Variants in ITGB2 observed in about 807,000 individuals in gnomAD.
ITGB2 encodes the protein integrin subunit beta 2.
ITGB2 carries 56 observed loss-of-function variants against 86.8 expected under a neutral mutation model. That is an observed-to-expected ratio of 0.65 (90% CI 0.52 to 0.81). The LOEUF (loss-of-function observed/expected upper bound fraction) is 0.81, where lower values mean the gene tolerates loss of function less well. Ranked by LOEUF, ITGB2 falls within the 30% of genes least tolerant of loss-of-function variation. ITGB2 has a pLI of 0.00. For synonymous variants in ITGB2, 457 were observed against 450.4 expected (o/e 1.01, Z -0.19); for missense variants, 948 against 1,061.2 (o/e 0.89, Z 1.48).
At chr21:44,890,509 C>T (rs1029321915) in intron 11 of ITGB2, among the ~76,000 whole-genome samples, 4 of 152,230 alleles carry the variant, frequency 2.6e-5, no homozygotes, top group African/African-American at 9.6e-5. Context: ...CAGCCATGCA[C>T]ATGGCCTGTG....
chr21:44,910,752 G>A lies in ITGB2; in HGVS notation c.31C>T (p.Leu11=), dbSNP rs5030667. 0.023 allele frequency: 37,467 copies of A among 1,614,022 alleles called. 563 individuals are homozygous for A. Among genetic ancestry groups the A allele is most frequent in the Middle Eastern group, 0.11 (661 of 6,062 alleles). MLGLRPPLLA[L]VGLLSLGCVL... is the part of the protein sequence containing the mutation. ...CACCCGAGGGAGAGCAGCCCCACCAGGGCGAGCAGTGGGGGGCGCAGGCCC... is the reference window on the plus strand; with the variant it reads ...CACCCGAGGGAGAGCAGCCCCACCAAGGCGAGCAGTGGGGGGCGCAGGCCC... The change falls in exon 2 of 16, where the codon CTG becomes TTG. Residue 11 remains leucine, a synonymous_variant. Coordinates refer to ENST00000652462, the MANE Select transcript of ITGB2 (RefSeq NM_000211.5).
Position 44,901,635 on chromosome 21 carries a change from G to T in ITGB2, c.598C>A (p.Pro200Thr). 1.2e-6 allele frequency: 2 copies of T among 1,614,274 alleles called. No homozygotes were observed. Among genetic ancestry groups the T allele is most frequent in the Non-Finnish European group, 1.7e-6 (2 of 1,180,042 alleles). ...AGCACGTGCCTGAAGGCAAACGGGG[G>T]CTGGCACTCTTTCTCCTTGTTGGGG... ...PCPNKEKECQ[P>T]PFAFRHVLKL... Residue 200 changes from proline (P) to threonine (T), a missense_variant, in exon 6 of 16, where the codon CCC (proline) becomes ACC (threonine). Pro to Thr is a conservative substitution (Grantham distance 38, BLOSUM62 -1). Coordinates refer to ENST00000652462, the MANE Select transcript of ITGB2 (RefSeq NM_000211.5).
intron 5 of ITGB2, among the ~76,000 whole-genome samples, chr21:44,902,307 G>A (rs1417928979): frequency 6.6e-6 from 1 of 152,210 alleles, no homozygotes; most frequent in Non-Finnish European, 1.5e-5. Context: ...GACTGTGTGT[G>A]CATGTGTGTG....
chr21:44,906,422 C>T (rs748596284), intron 4 of ITGB2, among the ~76,000 whole-genome samples: 7 of 152,062 alleles, frequency 4.6e-5, no homozygotes, highest in Non-Finnish European at 8.8e-5. Context: ...ATAAGGAGGG[C>T]GTTTCTCAAA....
At chr21:44,897,489 G>T (rs1380094855) in intron 8 of ITGB2, among the ~76,000 whole-genome samples, 3 of 152,226 alleles carry the variant, frequency 2.0e-5, no homozygotes, top group African/African-American at 7.2e-5. Flanking sequence ...CTGTCCGGAT[G>T]AGGATAATCG....
chr21:44,908,293 T>C (rs1281982618), intron 3 of ITGB2: 8 of 535,226 alleles, frequency 1.5e-5, no homozygotes, highest in Non-Finnish European at 2.7e-5. Context: ...CTCTAGTTTA[T>C]AAGACAGGAG....
rs886057115 is a variant in ITGB2 at position 44,886,308 on chromosome 21, T to TCGGC, written c.*56_*59dup. On this transcript the variant is annotated 3_prime_UTR_variant, in exon 16 of 16. Transcript: ENST00000652462. ...CTCAAGAGCTGTGGCAAGCCATGTC[T>TCGGC]CGGCCGCGTGATGGGGCAGACATGG... is the stretch of plus-strand genomic sequence containing the variant. The TCGGC allele has an allele frequency of 3.2e-5, 46 of 1,434,020 alleles. 1 individual carries two copies. In the South Asian group the frequency reaches 5.1e-4, roughly 16 times the overall value. 88.8% of individuals were successfully genotyped at this position (1,434,020 alleles called of 1,614,324 possible). A position where few individuals can be genotyped will look rare whatever the true frequency, so the allele number is the denominator to read the frequency against.
intron 7 of ITGB2, among the ~76,000 whole-genome samples, chr21:44,899,696 T>C (rs1171987201): frequency 6.6e-6 from 1 of 152,114 alleles, no homozygotes; most frequent in Non-Finnish European, 1.5e-5. Flanking sequence ...AGTGGTTGCC[T>C]CTCGGCCCAC....
chr21:44,924,888 C>T (rs756965399), upstream of ITGB2, among the ~76,000 whole-genome samples: 5 of 152,298 alleles, frequency 3.3e-5, no homozygotes, highest in East Asian at 1.9e-4. Flanking sequence ...ACATGCACCT[C>T]GTCCCTGCAG....
At position 44,899,130 on chromosome 21, in the gene ITGB2, C is replaced by G. The variant is rs1283643751; in HGVS notation, c.930G>C (p.Lys310Asn). Reference sequence around the variant, plus strand: ...TGGGCTGGATGTTGTTTTCAGCCAGCTTGTGCGCCAGCTGGCCCACCGATG... The same window carrying G: ...TGGGCTGGATGTTGTTTTCAGCCAGGTTGTGCGCCAGCTGGCCCACCGATG... ...DYPSVGQLAH[K>N]LAENNIQPIF... is the part of the protein sequence containing the mutation. Residue 310 changes from lysine (K) to asparagine (N), a missense_variant, in exon 8 of 16, where the codon AAG becomes AAC. Transcript: ENST00000652462. 2 of 1,614,038 alleles carry G rather than the reference C, an allele frequency of 1.2e-6. No individual in the cohort carries two copies. Among genetic ancestry groups the G allele is most frequent in the African/African-American group, 2.7e-5 (2 of 74,936 alleles).
intron 7 of ITGB2, 123 bp downstream of exon 7, chr21:44,900,197 G>C (rs2083930576): frequency 2.2e-6 from 3 of 1,340,186 alleles, no homozygotes; most frequent in Non-Finnish European, 3.2e-6. Flanking sequence ...GCTTCCAGAA[G>C]TTTCCTCAGG....
In ITGB2 at chr21:44,891,034, G is replaced by A. The variant is rs551955912; in HGVS notation, c.1412+775C>T. On this transcript the variant is annotated intron_variant, in intron 11 of 15. Transcript: ENST00000652462. ...GCAGCAGGGACCTGAAGGTGAGGAA[G>A]GGCACTGCCACCAGGACGTGGATTG... Among the ~76,000 whole-genome samples the A allele has an allele frequency of 3.2e-3, 483 of 152,194 alleles. 3 individuals are homozygous for A. The highest frequency in any genetic ancestry group is 0.011 in the African/African-American group (461 of 41,516).
intron 13 of ITGB2, 130 bp from the exon 14 acceptor site, chr21:44,889,025 C>A: frequency 1.3e-6 from 1 of 769,964 alleles, no homozygotes; most frequent in Non-Finnish European, 2.2e-6. Flanking sequence ...AAGGAGGGGG[C>A]CCAAGTGGGG....
chr21:44,904,825 C>T lies in ITGB2; in HGVS notation c.329-1290G>A, dbSNP rs1375965103. 2.6e-5 allele frequency among the ~76,000 whole-genome samples: 4 copies of T among 151,734 alleles called. No individual in the cohort carries two copies. The South Asian group carries it at 6.2e-4, about 24-fold the overall frequency. On this transcript the variant is annotated intron_variant, in intron 4 of 15. Transcript: ENST00000652462. ...ATGCTAAACACATACATACCACACA[C>T]ACCATGCATACACACACACCACACA...
intron 8 of ITGB2, among the ~76,000 whole-genome samples, chr21:44,897,841 C>G (rs920886159): frequency 6.6e-6 from 1 of 152,238 alleles, no homozygotes; most frequent in Admixed American, 6.5e-5. Context: ...CCTGTGGCCT[C>G]AGGGCCACAC....
At chr21:44,898,435 CTG>C in intron 8 of ITGB2, among the ~76,000 whole-genome samples, 1 of 152,244 alleles carries the variant, frequency 6.6e-6, no homozygotes, top group Admixed American at 6.5e-5. Context: ...TAAACTGTAA[CTG>C]TGAGTTTACT....
In ITGB2 at chr21:44,911,048, A is replaced by C. The variant is rs970694145; in HGVS notation, c.-3-263T>G. 9 of 560,222 alleles carry C rather than the reference A, an allele frequency of 1.6e-5. No individual in the cohort carries two copies. In the Admixed American group the frequency reaches 2.5e-4, roughly 15 times the overall value. The allele number at this position is 560,222 out of a possible 1,614,324, so 34.7% of individuals were successfully genotyped here. On this transcript the variant is annotated intron_variant, in intron 1 of 15. Coordinates refer to ENST00000652462, the MANE Select transcript of ITGB2 (RefSeq NM_000211.5). ...AGCTGCAGCGGGCCCCTGCAGAGGC[A>C]CACAACACAGGCACACACACACATG...
chr21:44,898,273 G>T (rs897914358), intron 8 of ITGB2, among the ~76,000 whole-genome samples: 3 of 152,170 alleles, frequency 2.0e-5, no homozygotes, highest in Non-Finnish European at 1.5e-5. Context: ...ATCATCGCTG[G>T]GAGGATGGAG....
intron 4 of ITGB2, 119 bp from the exon 5 acceptor site, chr21:44,903,654 C>T: frequency 8.7e-7 from 1 of 1,153,086 alleles, no homozygotes; most frequent in African/African-American, 1.5e-5. Flanking sequence ...CCAAATCCTC[C>T]TGACCTCCCC....
Sources: allele counts gnomAD v4.1 joint callset (sites outside exome capture counted in the v4.1 genomes callset), GRCh38; gene constraint gnomAD v4.1.1; transcripts MANE v1.5; gene names NCBI Gene and HGNC (gene_info 2026-07-23, HGNC 2026-07-21).